The following ERICH6 variants were observed in gnomAD, a reference collection of about 807,000 sequenced individuals.
ERICH6 encodes the protein glutamate-rich protein 6.
ERICH6 carries 71 observed loss-of-function variants against 71.0 expected under a neutral mutation model. That is an observed-to-expected ratio of 1.00 (90% CI 0.83 to 1.22). The LOEUF is 1.22. Ranked by LOEUF, ERICH6 falls within the 50% of genes most tolerant of loss-of-function variation. The pLI is 0.00. For missense variants in ERICH6, 808 were observed against 797.2 expected, an observed-to-expected ratio of 1.01 and a Z score of -0.16; for synonymous variants, 262 against 278.4, an observed-to-expected ratio of 0.94 and a Z score of 0.59.
rs57492414 is a variant in ERICH6 at position 150,672,264 on chromosome 3, C to CATATATATATATATAT, written c.1343+1691_1343+1692insATATATATATATATAT. Among the ~76,000 whole-genome samples the CATATATATATATATAT allele has an allele frequency of 1.6e-3, 202 of 123,638 alleles. 9 individuals are homozygous for CATATATATATATATAT. Among genetic ancestry groups the CATATATATATATATAT allele is most frequent in the African/African-American group, 6.0e-3 (186 of 31,048 alleles). The allele number at this position is 123,638 out of a possible 152,430, so 81.1% of individuals were successfully genotyped here. On this transcript the variant is annotated intron_variant, in intron 11 of 13. Transcript: ENST00000295910. ...TAAACAAAGAATCCATTTATATATA[C>CATATATATATATATAT]ATATATATATATATGCTCATACACA...
At chr3:150,662,618 G>A (rs1727265071) in intron 13 of ERICH6, among the ~76,000 whole-genome samples, 1 of 152,052 alleles carries the variant, frequency 6.6e-6, no homozygotes, top group Admixed American at 6.6e-5. Context: ...ACAAGAGAGG[G>A]GTAAATCTTT....
intron 3 of ERICH6, among the ~76,000 whole-genome samples, chr3:150,697,644 T>G (rs1036711424): frequency 4.6e-5 from 7 of 152,154 alleles, no homozygotes; most frequent in African/African-American, 1.7e-4. Flanking sequence ...ACTTCCTGGT[T>G]TTTCTTCTAC....
At chr3:150,698,676 G>A in intron 3 of ERICH6, 115 bp downstream of exon 3, 2 of 791,522 alleles carry the variant, frequency 2.5e-6, no homozygotes, top group Non-Finnish European at 4.2e-6. Context: ...ACATCACAAG[G>A]TTAGTATGTG....
Position 150,666,777 on chromosome 3 carries a change from A to C in ERICH6, c.1728+10T>G. On this transcript the variant is annotated intron_variant, in intron 13 of 13. Transcript: ENST00000295910. ...TAAATGCTTTAAACTGTTTTTAAAAATGTACCTACCTTCACTTTGGTTCCA... is the reference window on the plus strand; with the variant it reads ...TAAATGCTTTAAACTGTTTTTAAAACTGTACCTACCTTCACTTTGGTTCCA... The C allele has an allele frequency of 6.2e-7, 1 of 1,608,922 alleles. No individual in the cohort carries two copies.
At chr3:150,667,079 C>T (rs1576547061) in intron 12 of ERICH6, 64 bp from the exon 13 acceptor site, 1 of 1,464,954 alleles carries the variant, frequency 6.8e-7, no homozygotes, top group South Asian at 1.3e-5. Context: ...TGGAATTATC[C>T]CTGTCACTTG....
chr3:150,677,032 G>A (rs148448503), intron 10 of ERICH6, among the ~76,000 whole-genome samples: 10,762 of 151,996 alleles, frequency 0.071, 442 homozygotes, highest in Non-Finnish European at 0.091. Context: ...GGCTGGTCTC[G>A]AACTCCTGAG....
chr3:150,692,410 T>C (rs2108072569), intron 3 of ERICH6, among the ~76,000 whole-genome samples: 1 of 152,284 alleles, frequency 6.6e-6, no homozygotes, highest in East Asian at 1.9e-4. Flanking sequence ...ATATCAAGTG[T>C]TTTAAACCTT....
At chr3:150,684,634 A>G (rs938185826) in intron 6 of ERICH6, among the ~76,000 whole-genome samples, 4 of 152,122 alleles carry the variant, frequency 2.6e-5, no homozygotes, top group Non-Finnish European at 5.9e-5. Flanking sequence ...TCAGTCCCTC[A>G]CCACTCTAGC....
intron 13 of ERICH6, among the ~76,000 whole-genome samples, chr3:150,664,805 G>A (rs979149020): frequency 7.2e-6 from 1 of 139,214 alleles, no homozygotes; most frequent in African/African-American, 3.1e-5. Context: ...TTTCTGTATT[G>A]TTTGAATCTT....
In ERICH6 at chr3:150,661,699, A is replaced by G. The variant is rs1012298671; in HGVS notation, c.1729-1544T>C. ...AAGATATGTTAATTTTAAACTAACC[A>G]TTAAAATATAGTGTATTAAAAGACT... On this transcript the variant is annotated intron_variant, in intron 13 of 13. Transcript: ENST00000295910. Among the ~76,000 whole-genome samples, 18 of 152,238 alleles carry G rather than the reference A, an allele frequency of 1.2e-4. 1 individual carries two copies. Among genetic ancestry groups the G allele is most frequent in the Non-Finnish European group, 2.9e-5 (2 of 68,042 alleles).
intron 3 of ERICH6, among the ~76,000 whole-genome samples, chr3:150,698,294 CA>C (rs1712727632): frequency 6.6e-6 from 1 of 151,998 alleles, no homozygotes; most frequent in South Asian, 2.1e-4. Flanking sequence ...AGGTGTTTGG[CA>C]AATGTTAGGT....
chr3:150,661,553 G>A (rs1477109019), intron 13 of ERICH6, among the ~76,000 whole-genome samples: 1 of 152,128 alleles, frequency 6.6e-6, no homozygotes, highest in African/African-American at 2.4e-5. Flanking sequence ...GGAGATAGAG[G>A]AAGACTTTAG....
At chr3:150,698,009 T>C (rs926596919) in intron 3 of ERICH6, among the ~76,000 whole-genome samples, 10 of 152,192 alleles carry the variant, frequency 6.6e-5, no homozygotes, top group Non-Finnish European at 5.9e-5. Context: ...TCACCTCCTG[T>C]AGGTCTTTTC....
In ERICH6 at chr3:150,703,735, A is replaced by ACCTCCTCCTCCT. The variant is rs762270129; in HGVS notation, c.152_163dup (p.Glu51_Glu54dup). 4.5e-6 allele frequency: 7 copies of ACCTCCTCCTCCT among 1,555,416 alleles called. No individual in the cohort carries two copies. In the African/African-American group the frequency reaches 1.1e-4, roughly 25 times the overall value. ...TTCCCCCACCAACTCCTCCTCCACC[A>ACCTCCTCCTCCT]CCTCCTCCTCCTCCTCCTCCACCTC... On this transcript the variant is annotated inframe_insertion, in exon 1 of 14. Transcript: ENST00000295910.
At chr3:150,688,709 T>C (rs748375753) in intron 3 of ERICH6, among the ~76,000 whole-genome samples, 1 of 152,226 alleles carries the variant, frequency 6.6e-6, no homozygotes, top group Non-Finnish European at 1.5e-5. Context: ...AAGAATGCAA[T>C]CATTTGTCTC....
intron 2 of ERICH6, among the ~76,000 whole-genome samples, chr3:150,699,804 C>G: frequency 6.7e-6 from 1 of 150,020 alleles, no homozygotes; most frequent in East Asian, 1.9e-4. Flanking sequence ...TTCGAAATTT[C>G]AAATATGAAT....
rs779122717 is a variant in ERICH6 at position 150,703,673 on chromosome 3, CTT to C, written c.224_225del (p.Glu75GlyfsTer11). On this transcript the variant is annotated frameshift_variant, in exon 1 of 14. Coordinates refer to ENST00000295910, the MANE Select transcript of ERICH6 (RefSeq NM_152394.5). LOFTEE classifies it high-confidence loss of function. ...QELEAPETFS[E>X]EYLWKVTDIG... ...ATGTCCGTGACCTTCCAGAGGTACT[CTT>C]CGCTGAACGTCTCAGGGGCCTCCAA... 6.2e-7 allele frequency: 1 copy of C among 1,613,546 alleles called. No homozygotes were observed. Among genetic ancestry groups the C allele is most frequent in the East Asian group, 2.2e-5 (1 of 44,876 alleles).
intron 3 of ERICH6, among the ~76,000 whole-genome samples, chr3:150,698,222 G>A (rs539604673): frequency 6.6e-6 from 1 of 152,126 alleles, no homozygotes; most frequent in South Asian, 2.1e-4. Flanking sequence ...TAATATCACT[G>A]AGACAGGGGA....
rs752485425 is a variant in ERICH6, at chr3:150,659,946, A to G, written c.1938T>C (p.Gly646=). Residue 646 remains glycine, a synonymous_variant, in exon 14 of 14, where the codon GGT becomes GGC. Coordinates refer to ENST00000295910, the MANE Select transcript of ERICH6 (RefSeq NM_152394.5). ...LKLIALCHSS[G]IKQDIMKTIR... is the part of the protein sequence containing the mutation. ...TTGTCTTCATTATATCTTGCTTTAT[A>G]CCAGAACTGTGACAAAGGGCAATTA... 4 of 1,613,174 alleles carry G rather than the reference A, an allele frequency of 2.5e-6. No individual in the cohort carries two copies. The highest frequency in any genetic ancestry group is 3.4e-6 in the Non-Finnish European group (4 of 1,179,202).
Sources: gnomAD v4.1 joint callset for allele counts (sites outside exome capture counted in the v4.1 genomes callset) on GRCh38, gnomAD v4.1.1 for gene constraint, MANE v1.5 for transcripts, NCBI Gene and HGNC (gene_info 2026-07-23, HGNC 2026-07-21) for gene names.